The following FRMD4A variants were observed in gnomAD, a reference collection of about 807,000 sequenced individuals.
FRMD4A encodes FERM domain-containing protein 4A.
A neutral mutation model predicts 129.1 loss-of-function variants in FRMD4A; 29 were observed. The observed-to-expected ratio is 0.22, with a 90% CI of 0.17 to 0.31. The LOEUF is 0.31. FRMD4A is among the 10% of genes least tolerant of loss of function. The probability of loss-of-function intolerance (pLI) is 1.00; values close to 1 mark genes in which losing one functional copy is unlikely to be tolerated. For missense variants in FRMD4A, 1,272 were observed against 1,375.8 expected, an observed-to-expected ratio of 0.92 and a Z score of 1.19; for synonymous variants, 634 against 571.6, an observed-to-expected ratio of 1.11 and a Z score of -1.56.
intron 6 of FRMD4A, among the ~76,000 whole-genome samples, chr10:13,770,972 TA>T (rs2092439278): frequency 1.3e-5 from 2 of 152,218 alleles, no homozygotes; most frequent in African/African-American, 2.4e-5. Context: ...ATCTGATCAT[TA>T]GCAAAGCATG....
chr10:13,686,919 G>T (rs1387571997), intron 15 of FRMD4A, among the ~76,000 whole-genome samples: 1 of 152,182 alleles, frequency 6.6e-6, no homozygotes, highest in Admixed American at 6.5e-5. Context: ...TATTTCCTAA[G>T]TGGGTTTGTG....
At chr10:14,227,309 T>C (rs1589196506) in intron 2 of FRMD4A, among the ~76,000 whole-genome samples, 1 of 132,550 alleles carries the variant, frequency 7.5e-6, no homozygotes, top group East Asian at 2.6e-4. Flanking sequence ...TGGAGTGCAG[T>C]GGCACAATCT....
At chr10:13,945,612 C>T (rs1001514804) in intron 2 of FRMD4A, among the ~76,000 whole-genome samples, 4 of 152,138 alleles carry the variant, frequency 2.6e-5, no homozygotes, top group Non-Finnish European at 5.9e-5. Context: ...ATCTACCAGG[C>T]AGGGCTCTGC....
At position 13,821,860 on chromosome 10, in the gene FRMD4A, C is replaced by G. The variant is rs528616358; in HGVS notation, c.112-10952G>C. On this transcript the variant is annotated intron_variant, in intron 3 of 24. Coordinates refer to ENST00000357447, the MANE Select transcript of FRMD4A (RefSeq NM_018027.5). This position sits in a 1 kb window ranked among gnomAD's most constrained non-coding sequence, Gnocchi z 4.3. Reference sequence around the variant, plus strand: ...GAGGAGGCCAGAAACCTGTCCAGGACGAGGGTGGGCACCTTGGTTACCAGC... The same window carrying G: ...GAGGAGGCCAGAAACCTGTCCAGGAGGAGGGTGGGCACCTTGGTTACCAGC... Among the ~76,000 whole-genome samples, 1 of 152,134 alleles carries G rather than the reference C, an allele frequency of 6.6e-6. No individual in the cohort carries two copies. Among genetic ancestry groups the G allele is most frequent in the Non-Finnish European group, 1.5e-5 (1 of 68,026 alleles).
intron 2 of FRMD4A, among the ~76,000 whole-genome samples, chr10:13,995,485 T>C (rs4750452): frequency 0.28 from 43,155 of 151,832 alleles, 7,208 homozygotes; most frequent in East Asian, 0.73. Flanking sequence ...CTTGGGAGGC[T>C]GAGGCACAAG....
At position 13,839,746 on chromosome 10, in the gene FRMD4A, G is replaced by C. The variant is rs2093933282; in HGVS notation, c.111+19101C>G. 2.0e-5 allele frequency among the ~76,000 whole-genome samples: 3 copies of C among 152,222 alleles called. No homozygotes were observed. The South Asian group carries it at 6.2e-4, about 32-fold the overall frequency. On this transcript the variant is annotated intron_variant, in intron 3 of 24. Coordinates refer to ENST00000357447, the MANE Select transcript of FRMD4A (RefSeq NM_018027.5). ...AAAGGAAGGGGGCCTTGAGCCACCA[G>C]CCATGTCCCGCAGTGCTTGAGATTG...
chr10:14,263,905 G>A (rs1306680381), intron 2 of FRMD4A, among the ~76,000 whole-genome samples: 1 of 152,162 alleles, frequency 6.6e-6, no homozygotes, highest in Admixed American at 6.5e-5. Flanking sequence ...TTGGAACTGG[G>A]GAATAAGCAG....
rs145919842 is a variant in FRMD4A at position 13,783,027 on chromosome 10, G to A, written c.300-21C>T. On this transcript the variant is annotated intron_variant, in intron 5 of 24. Transcript: ENST00000357447. ...AGAACCTGAAAGAGAAAAATGGTGC[G>A]TGAACCACAGAAACAGCAGGTGCAG... 563 of 908,414 alleles carry A rather than the reference G, an allele frequency of 6.2e-4. 2 individuals carry two copies. The African/African-American group carries it at 7.6e-3, about 12-fold the overall frequency. 56.3% of individuals were successfully genotyped at this position (908,414 alleles called of 1,614,324 possible).
intron 2 of FRMD4A, among the ~76,000 whole-genome samples, chr10:14,269,584 C>T (rs900624479): frequency 6.6e-6 from 1 of 152,082 alleles, no homozygotes; most frequent in African/African-American, 2.4e-5. Flanking sequence ...TTCTCTGACC[C>T]CAACAGAGAA....
chr10:13,728,570 A>ATTTTTTTTTTT (rs1386167455), intron 12 of FRMD4A, among the ~76,000 whole-genome samples: 4 of 28,664 alleles, frequency 1.4e-4, no homozygotes, highest in African/African-American at 3.4e-4. Flanking sequence ...GGTGATTACC[A>ATTTTTTTTTTT]TTCTTTTTTT....
chr10:13,877,953 G>A (rs1214116777), intron 2 of FRMD4A, among the ~76,000 whole-genome samples: 1 of 152,064 alleles, frequency 6.6e-6, no homozygotes, highest in Non-Finnish European at 1.5e-5. Flanking sequence ...GCGAGGGAGA[G>A]GACTCCCAAA....
chr10:13,735,708 C>T lies in FRMD4A; in HGVS notation c.759+2136G>A, dbSNP rs184453083. On this transcript the variant is annotated intron_variant, in intron 12 of 24. Transcript: ENST00000357447. Reference sequence around the variant, plus strand: ...ATTTCAACTGCTGGATTTTAATTATCTCTGCTGTAGACCTCAATTATGCAT... The same window carrying T: ...ATTTCAACTGCTGGATTTTAATTATTTCTGCTGTAGACCTCAATTATGCAT... Among the ~76,000 whole-genome samples, 284 of 152,350 alleles carry T rather than the reference C, an allele frequency of 1.9e-3. 3 individuals are homozygous for T. Among genetic ancestry groups the T allele is most frequent in the Non-Finnish European group, 3.0e-3 (204 of 68,036 alleles).
At chr10:14,001,001 G>A (rs1262085658) in intron 2 of FRMD4A, among the ~76,000 whole-genome samples, 1 of 152,064 alleles carries the variant, frequency 6.6e-6, no homozygotes, top group Non-Finnish European at 1.5e-5. Context: ...AGAATGACAT[G>A]ACCCAAAAAC....
intron 2 of FRMD4A, 152 bp from the exon 3 acceptor site, chr10:13,859,064 AG>A: frequency 1.5e-6 from 1 of 651,390 alleles, no homozygotes; most frequent in Non-Finnish European, 2.8e-6. Context: ...TGGAAGGATC[AG>A]TTCATTCATT....
chr10:13,692,551 G>GATA, intron 15 of FRMD4A: 2 of 152,370 alleles, frequency 1.3e-5, no homozygotes, highest in African/African-American at 4.8e-5. Flanking sequence ...GAGGGCCTCA[G>GATA]CCTGTCCAAG....
At chr10:13,658,263 A>AAG (rs1423239002) in intron 21 of FRMD4A, among the ~76,000 whole-genome samples, 1 of 152,212 alleles carries the variant, frequency 6.6e-6, no homozygotes, top group Non-Finnish European at 1.5e-5. Flanking sequence ...GATCCATATA[A>AAG]ATAGACTCCC....
intron 2 of FRMD4A, among the ~76,000 whole-genome samples, chr10:14,012,190 G>T (rs1216986417): frequency 6.6e-6 from 1 of 150,882 alleles, no homozygotes; most frequent in Non-Finnish European, 1.5e-5. Context: ...CAGGGATGGG[G>T]GGCAGTCAAC....
chr10:14,098,637 T>C (rs951942741), intron 2 of FRMD4A, among the ~76,000 whole-genome samples: 1 of 152,118 alleles, frequency 6.6e-6, no homozygotes, highest in Non-Finnish European at 1.5e-5. Flanking sequence ...CTCAATCTCC[T>C]GACCCCGTGA....
rs534843744 is a variant in FRMD4A, at chr10:14,176,314, T to C, written c.45+153744A>G. Among the ~76,000 whole-genome samples the C allele has an allele frequency of 1.1e-4, 17 of 152,308 alleles. No individual in the cohort carries two copies. The South Asian group carries it at 3.1e-3, about 28-fold the overall frequency. ...CTCCCCATGTTTTTGGGTTTCTCTGTGGGATTGCAAACCTTCTGATGTGAC... is the reference window on the plus strand; with the variant it reads ...CTCCCCATGTTTTTGGGTTTCTCTGCGGGATTGCAAACCTTCTGATGTGAC... On this transcript the variant is annotated intron_variant, in intron 2 of 24. Transcript: ENST00000357447.
Sources: gnomAD v4.1 joint callset for allele counts (sites outside exome capture counted in the v4.1 genomes callset) on GRCh38, gnomAD v4.1.1 for gene constraint, Gnocchi (gnomAD v3.1) non-coding constraint, MANE v1.5 for transcripts, NCBI Gene and HGNC (gene_info 2026-07-23, HGNC 2026-07-21) for gene names.